Variants in FHDC1 observed in about 807,000 individuals in gnomAD.
FHDC1 encodes the protein FH2 domain-containing protein 1.
Under a neutral mutation model 52.6 loss-of-function variants are expected in FHDC1, and 25 were observed. The ratio of observed to expected loss-of-function variants is 0.48; its 90% CI spans 0.35 to 0.66. The LOEUF (loss-of-function observed/expected upper bound fraction) is 0.66. Ranked by LOEUF, FHDC1 falls within the 30% of genes least tolerant of loss-of-function variation. The pLI is 0.01. For missense variants in FHDC1, 1,459 were observed against 1,452.8 expected, an observed-to-expected ratio of 1.00 and a Z score of -0.07; for synonymous variants, 616 against 581.5, an observed-to-expected ratio of 1.06 and a Z score of -0.85.
the FHDC1 span, among the ~76,000 whole-genome samples, chr4:152,921,228 TTAAA>T: frequency 5.5e-3 from 844 of 152,094 alleles, 9 homozygotes; most frequent in African/African-American, 0.019. Flanking sequence ...TTATTTTCCT[TTAAA>T]TAAGAACACA....
chr4:152,927,708 A>G, the FHDC1 span: 1 of 1,514,226 alleles, frequency 6.6e-7, no homozygotes, highest in East Asian at 2.3e-5. Context: ...GATGAGACCA[A>G]CTTCCTTGAT....
chr4:152,961,105 A>G (rs969657005), intron 6 of FHDC1, among the ~76,000 whole-genome samples: 1 of 152,184 alleles, frequency 6.6e-6, no homozygotes, highest in Non-Finnish European at 1.5e-5. Context: ...CTTGCTGGTT[A>G]CGGCTTGCTC....
At chr4:152,918,789 T>A in the FHDC1 span, among the ~76,000 whole-genome samples, 1 of 152,266 alleles carries the variant, frequency 6.6e-6, no homozygotes, top group Non-Finnish European at 1.5e-5. Context: ...AATCTTATGA[T>A]ACCTGGCTGT....
At chr4:152,915,932 G>A in the FHDC1 span, among the ~76,000 whole-genome samples, 1 of 152,092 alleles carries the variant, frequency 6.6e-6, no homozygotes, top group African/African-American at 2.4e-5. Flanking sequence ...GATATAATGA[G>A]ATATAAATTA....
intron 4 of FHDC1, among the ~76,000 whole-genome samples, chr4:152,959,880 G>A (rs1740220294): frequency 6.6e-6 from 1 of 152,188 alleles, no homozygotes; most frequent in Admixed American, 6.5e-5. Flanking sequence ...TCCAGAAGCT[G>A]ACCTCCTTTC....
rs1431832854 is a variant in FHDC1 at position 152,975,466 on chromosome 4, A to C, written c.2175A>C (p.Thr725=). 8 of 1,613,278 alleles carry C rather than the reference A, an allele frequency of 5.0e-6. No homozygotes were observed. The highest frequency in any genetic ancestry group is 6.8e-6 in the Non-Finnish European group (8 of 1,179,960). ...QSLSASSSSL[T]PMGRDALGSL... is the part of the protein sequence containing the mutation. ...TCAGTGCCAGCAGCAGCAGCCTGAC[A>C]CCCATGGGCAGAGATGCCCTGGGGA... Residue 725 remains threonine, a synonymous_variant, in exon 12 of 12, where the codon ACA becomes ACC. Coordinates refer to ENST00000511601, the MANE Select transcript of FHDC1 (RefSeq NM_001371116.1).
chr4:152,972,677 C>T (rs1740675642), intron 11 of FHDC1, 136 bp downstream of exon 11: 1 of 1,057,704 alleles, frequency 9.5e-7, no homozygotes, highest in East Asian at 2.6e-5. Context: ...GGTGGTATTG[C>T]CAGGCTCTCG....
chr4:152,925,499 G>A, the FHDC1 span, among the ~76,000 whole-genome samples: 22 of 152,148 alleles, frequency 1.4e-4, no homozygotes, highest in Non-Finnish European at 2.6e-4. Flanking sequence ...GAGAGAAAGA[G>A]TCTGATGGAA....
chr4:152,927,535 A>G, the FHDC1 span: 4 of 1,346,746 alleles, frequency 3.0e-6, no homozygotes, highest in African/African-American at 5.7e-5. Context: ...GGAGGCAAGA[A>G]GAATGGGAGA....
rs761951297 is a variant in FHDC1, at chr4:152,974,886, G to A, written c.1595G>A (p.Arg532Gln). ...ATCAGCCCCTCCAGCCCCTCCTACC[G>A]GCCCCCGAACACCCGCCGCTCCCGC... ...RPISPSSPSYRPPNTRRSRLS... is the reference protein window; with the variant it reads ...RPISPSSPSYQPPNTRRSRLS... The change falls in exon 12 of 12, where the codon CGG (arginine) becomes CAG (glutamine). Residue 532 changes from arginine to glutamine, a missense_variant. Arg to Gln is a conservative substitution (Grantham distance 43). Transcript: ENST00000511601. The A allele has an allele frequency of 4.4e-5, 71 of 1,604,308 alleles. No homozygotes were observed. In the Admixed American group the frequency reaches 9.3e-4, roughly 21 times the overall value.
At chr4:152,931,459 CACA>C (rs1258685421), upstream of FHDC1, among the ~76,000 whole-genome samples, 4 of 7,364 alleles carry the variant, frequency 5.4e-4, no homozygotes, top group Non-Finnish European at 9.6e-4. Context: ...CTCTAAAACA[CACA>C]CACACACACA....
At chr4:152,918,885 T>TAGCAAA in the FHDC1 span, among the ~76,000 whole-genome samples, 2 of 152,254 alleles carry the variant, frequency 1.3e-5, no homozygotes, top group African/African-American at 4.8e-5. Context: ...TCATGAGTAT[T>TAGCAAA]TGCTGAATGG....
intron 1 of FHDC1, among the ~76,000 whole-genome samples, chr4:152,937,450 G>A (rs1014307110): frequency 2.0e-5 from 3 of 152,016 alleles, no homozygotes; most frequent in Non-Finnish European, 2.9e-5. Context: ...CGTGGGGAGC[G>A]TGGGCTTTCC....
intron 2 of FHDC1, among the ~76,000 whole-genome samples, chr4:152,951,307 G>T (rs1476669865): frequency 2.6e-5 from 4 of 151,882 alleles, no homozygotes; most frequent in Non-Finnish European, 4.4e-5. Flanking sequence ...TCCTTTTTTG[G>T]TATGACCTTT....
intron 2 of FHDC1, among the ~76,000 whole-genome samples, chr4:152,951,367 C>G (rs1293529706): frequency 6.6e-6 from 1 of 152,006 alleles, no homozygotes; most frequent in Non-Finnish European, 1.5e-5. Flanking sequence ...TCTTTCTCTC[C>G]TCTCCTCCCT....
the FHDC1 span, among the ~76,000 whole-genome samples, chr4:152,927,072 C>T: frequency 3.3e-5 from 5 of 152,202 alleles, no homozygotes; most frequent in East Asian, 9.6e-4. Context: ...AGCTCAGACT[C>T]CACAAAAGAG....
At chr4:152,922,092 A>G in the FHDC1 span, among the ~76,000 whole-genome samples, 9 of 152,320 alleles carry the variant, frequency 5.9e-5, no homozygotes, top group African/African-American at 2.2e-4. Context: ...AAGGATCAAC[A>G]AATTGATAGA....
At chr4:152,941,256 G>C (rs945379760) in intron 1 of FHDC1, among the ~76,000 whole-genome samples, 1 of 152,176 alleles carries the variant, frequency 6.6e-6, no homozygotes, top group Non-Finnish European at 1.5e-5. Flanking sequence ...AGAAAGGACA[G>C]CTCTCACAAA....
At chr4:152,958,399 T>C (rs1259866665) in intron 4 of FHDC1, among the ~76,000 whole-genome samples, 1 of 152,198 alleles carries the variant, frequency 6.6e-6, no homozygotes, top group Non-Finnish European at 1.5e-5. Context: ...ATAATCCCTC[T>C]TAAAGAACAT....
Sources: gnomAD v4.1 joint callset for allele counts (sites outside exome capture counted in the v4.1 genomes callset) on GRCh38, gnomAD v4.1.1 for gene constraint, MANE v1.5 for transcripts, NCBI Gene and HGNC (gene_info 2026-07-23, HGNC 2026-07-21) for gene names.